The following XPO6 variants were observed in gnomAD, a reference collection of about 807,000 sequenced individuals.
XPO6 encodes exportin-6.
A neutral mutation model predicts 130.0 loss-of-function variants in XPO6; 3 were observed. The observed-to-expected ratio is 0.02, with a 90% CI of 0.01 to 0.06. XPO6 has a LOEUF of 0.06. Among genes scored for constraint, XPO6 ranks in the 10% least tolerant of loss-of-function variants. XPO6 has a pLI of 1.00. For missense variants in XPO6, 970 were observed against 1,393.0 expected, an observed-to-expected ratio of 0.70 and a Z score of 4.83; for synonymous variants, 524 against 548.9, an observed-to-expected ratio of 0.95 and a Z score of 0.63.
At chr16:28,209,705 A>G (rs554931849) in intron 1 of XPO6, among the ~76,000 whole-genome samples, 1 of 151,940 alleles carries the variant, frequency 6.6e-6, no homozygotes, top group East Asian at 1.9e-4. Flanking sequence ...TGCTACTTTC[A>G]TTAGCCACTA....
intron 8 of XPO6, among the ~76,000 whole-genome samples, chr16:28,146,571 G>A (rs1156731061): frequency 6.6e-6 from 1 of 152,134 alleles, no homozygotes; most frequent in Non-Finnish European, 1.5e-5. Context: ...AGTTGTTCAA[G>A]GCCAGAGGTA....
At chr16:28,193,689 A>G (rs974755506) in intron 1 of XPO6, among the ~76,000 whole-genome samples, 16 of 152,138 alleles carry the variant, frequency 1.1e-4, no homozygotes, top group African/African-American at 3.6e-4. Flanking sequence ...TACTCGGCCA[A>G]TAACCTTGGC....
rs547818878 is a variant in XPO6 at position 28,106,015 on chromosome 16, C to CACAGGTGGTG, written c.2784+27_2784+28insCACCACCTGT. On this transcript the variant is annotated intron_variant, in intron 20 of 23. Transcript: ENST00000304658. This position sits in a 1 kb window ranked among gnomAD's most constrained non-coding sequence, Gnocchi z 4.2. ...CTTCCCAATCTGGAGATGGGGGGTGCTGCACAGGGGACCGTCTGAGCCCCT... is the reference window on the plus strand; with the variant it reads ...CTTCCCAATCTGGAGATGGGGGGTGCACAGGTGGTGTGCACAGGGGACCGTCTGAGCCCCT... 1,346 of 1,601,762 alleles carry CACAGGTGGTG rather than the reference C, an allele frequency of 8.4e-4. 7 individuals are homozygous for CACAGGTGGTG. In the African/African-American group the frequency reaches 0.016, roughly 19 times the overall value.
chr16:28,104,772 A>C, intron 20 of XPO6, 65 bp from the exon 21 acceptor site: 1 of 1,583,976 alleles, frequency 6.3e-7, no homozygotes, highest in Non-Finnish European at 8.6e-7. Context: ...GGCCCAGGGC[A>C]GCAAAGATGC....
At chr16:28,125,585 C>A (rs1265304969) in intron 13 of XPO6, 104 bp downstream of exon 13, 7 of 1,427,182 alleles carry the variant, frequency 4.9e-6, no homozygotes, top group Non-Finnish European at 6.6e-6. Flanking sequence ...TAGATTTACC[C>A]GGGGCCAGAG....
intron 1 of XPO6, among the ~76,000 whole-genome samples, chr16:28,198,396 C>T (rs2043902486): frequency 1.3e-5 from 2 of 151,732 alleles, no homozygotes; most frequent in South Asian, 2.1e-4. Context: ...ATAATAACAA[C>T]TAAGCAAAAT....
At chr16:28,102,069 G>A in intron 21 of XPO6, 124 bp from the exon 22 acceptor site, 1 of 715,136 alleles carries the variant, frequency 1.4e-6, no homozygotes, top group Non-Finnish European at 2.3e-6. Context: ...TGGCCCACCA[G>A]CTCAGACCTC....
rs1278651656 is a variant in XPO6, at chr16:28,211,793, G to A, written c.-425C>T. On this transcript the variant is annotated 5_prime_UTR_variant, in exon 1 of 24. Transcript: ENST00000304658. ...GGAGGCTGACAGGCCTCGACCGCGC[G>A]GCCCAGGCGGCCGGCTCAGGGGAGA... 1.9e-5 allele frequency: 5 copies of A among 258,284 alleles called. No homozygotes were observed. Among genetic ancestry groups the A allele is most frequent in the Admixed American group, 5.5e-5 (1 of 18,234 alleles). 16.0% of individuals were successfully genotyped at this position (258,284 alleles called of 1,614,324 possible).
chr16:28,128,184 T>C (rs1389883339), intron 12 of XPO6, among the ~76,000 whole-genome samples: 2 of 152,202 alleles, frequency 1.3e-5, no homozygotes, highest in Non-Finnish European at 2.9e-5. Flanking sequence ...GTTATATCTA[T>C]GCAACCAACT....
At chr16:28,174,224 A>G (rs963732729) in intron 4 of XPO6, among the ~76,000 whole-genome samples, 10 of 151,838 alleles carry the variant, frequency 6.6e-5, no homozygotes, top group Non-Finnish European at 8.8e-5. Context: ...TGCACTTCCT[A>G]TTCTCTCTGC....
Position 28,101,629 on chromosome 16 carries a change from G to A in XPO6, c.3105C>T (p.Val1035=), listed in dbSNP as rs184690191. The A allele has an allele frequency of 1.2e-6, 2 of 1,613,940 alleles. No individual in the cohort carries two copies. Among genetic ancestry groups the A allele is most frequent in the African/African-American group, 2.7e-5 (2 of 75,050 alleles). ...QFVNVLLQVL[V]HKSHDLLQEE... is the part of the protein sequence containing the mutation. Reference sequence around the variant, plus strand: ...CCTGCAGAAGATCATGGGACTTGTGGACCAGGACCTGGAGCAGCACGTTCA... The same window carrying A: ...CCTGCAGAAGATCATGGGACTTGTGAACCAGGACCTGGAGCAGCACGTTCA... The change falls in exon 23 of 24, where the codon GTC becomes GTT. Residue 1035 remains valine (V), a synonymous_variant. Transcript: ENST00000304658. This position sits in a 1 kb window ranked among gnomAD's most constrained non-coding sequence, Gnocchi z 5.4.
Position 28,190,223 on chromosome 16 carries a change from A to ATTT in XPO6, c.4-9195_4-9193dup, listed in dbSNP as rs753474910. On this transcript the variant is annotated intron_variant, in intron 1 of 23. Transcript: ENST00000304658. ...GAGAGGTGCACCAGTTTCTTTCTTT[A>ATTT]TTTTTTTTTTTTTTTGAGACTGAGT... 4.5e-3 allele frequency among the ~76,000 whole-genome samples: 616 copies of ATTT among 136,118 alleles called. 5 individuals carry two copies. Among genetic ancestry groups the ATTT allele is most frequent in the African/African-American group, 0.017 (598 of 35,756 alleles). The allele number at this position is 136,118 out of a possible 152,430, so 89.3% of individuals were successfully genotyped here.
chr16:28,152,522 T>TAA, intron 8 of XPO6, 137 bp downstream of exon 8: 1 of 1,098,452 alleles, frequency 9.1e-7, no homozygotes, highest in Non-Finnish European at 1.2e-6. Context: ...TTAGGAAGAT[T>TAA]AAACCTGTGA....
At chr16:28,119,606 T>C (rs1418352779) in intron 14 of XPO6, among the ~76,000 whole-genome samples, 3 of 151,846 alleles carry the variant, frequency 2.0e-5, no homozygotes, top group East Asian at 1.9e-4. Flanking sequence ...TTCTAGACTA[T>C]AGGAAATACA....
intron 23 of XPO6, among the ~76,000 whole-genome samples, chr16:28,099,613 C>T (rs2086612744): frequency 6.6e-6 from 1 of 152,216 alleles, no homozygotes; most frequent in Non-Finnish European, 1.5e-5. Flanking sequence ...GAGCCCCCAC[C>T]ATCTGTGAAA....
At chr16:28,197,108 C>T (rs1056188909) in intron 1 of XPO6, among the ~76,000 whole-genome samples, 1 of 151,798 alleles carries the variant, frequency 6.6e-6, no homozygotes, top group African/African-American at 2.4e-5. Context: ...AAAAATTAGC[C>T]GGGTGTGATG....
intron 17 of XPO6, chr16:28,111,537 C>A: frequency 2.9e-6 from 1 of 340,122 alleles, no homozygotes; most frequent in Non-Finnish European, 5.5e-6. Flanking sequence ...CAGAAGGCAC[C>A]ATCACCAGTG....
chr16:28,134,847 C>T (rs987266855), intron 10 of XPO6, among the ~76,000 whole-genome samples: 30 of 152,280 alleles, frequency 2.0e-4, no homozygotes, highest in African/African-American at 7.0e-4. Context: ...CAGTATCTTG[C>T]TAACGGTCTC....
intron 15 of XPO6, 90 bp from the exon 16 acceptor site, chr16:28,113,140 T>A: frequency 6.7e-7 from 1 of 1,486,652 alleles, no homozygotes; most frequent in Non-Finnish European, 9.0e-7. Context: ...TATGTGTCAT[T>A]CTTGGTTTCC....
Sources: allele counts gnomAD v4.1 joint callset (sites outside exome capture counted in the v4.1 genomes callset), GRCh38; gene constraint gnomAD v4.1.1; non-coding constraint Gnocchi (gnomAD v3.1); transcripts MANE v1.5; gene names NCBI Gene and HGNC (gene_info 2026-07-23, HGNC 2026-07-21).